The following CD33 variants were observed in gnomAD, a reference collection of about 807,000 sequenced individuals.
CD33 encodes CD33 molecule.
A neutral mutation model predicts 31.4 loss-of-function variants in CD33; 25 were observed. The ratio of observed to expected loss-of-function variants is 0.80; its 90% confidence interval spans 0.58 to 1.11. The LOEUF (loss-of-function observed/expected upper bound fraction) is 1.11. CD33 is among the 50% of genes most tolerant of loss of function. CD33 has a pLI of 0.00. For synonymous variants in CD33, 176 were observed against 180.6 expected (o/e 0.97, Z 0.20); for missense variants, 407 against 448.1 (o/e 0.91, Z 0.83).
rs765713634 is a variant in CD33 at position 51,225,206 on chromosome 19, G to T, written c.38-12G>T. The T allele has an allele frequency of 2.5e-6, 4 of 1,613,180 alleles. No individual in the cohort carries two copies. Among genetic ancestry groups the T allele is most frequent in the Non-Finnish European group, 3.4e-6 (4 of 1,179,472 alleles). On this transcript the variant is annotated splice_polypyrimidine_tract_variant and intron_variant, in intron 1 of 6. Transcript: ENST00000262262. ...GTCGGGCTGGGCCGAGCTGACCCTCGTTTCCCCACAGGGGCCCTGGCTATG... is the reference window on the plus strand; with the variant it reads ...GTCGGGCTGGGCCGAGCTGACCCTCTTTTCCCCACAGGGGCCCTGGCTATG...
chr19:51,228,649 T>G (rs1599868989), intron 4 of CD33, among the ~76,000 whole-genome samples: 1 of 151,758 alleles, frequency 6.6e-6, no homozygotes, highest in East Asian at 1.9e-4. Flanking sequence ...CTGAGAGTTT[T>G]ATTGTTAGAG....
Position 51,239,738 on chromosome 19 carries a change from G to C in CD33, c.*50G>C. 1 of 1,496,662 alleles carries C rather than the reference G, an allele frequency of 6.7e-7. No individual in the cohort carries two copies. Among genetic ancestry groups the C allele is most frequent in the Non-Finnish European group, 9.1e-7 (1 of 1,104,696 alleles). 92.7% of individuals were successfully genotyped at this position (1,496,662 alleles called of 1,614,324 possible). A position where few individuals can be genotyped will look rare whatever the true frequency, so the allele number is the denominator to read the frequency against. ...AGCTAGAAGATCCACATCCTCTACAGGTCGGGGACCAAAGGCTGATTCTTG... is the reference window on the plus strand; with the variant it reads ...AGCTAGAAGATCCACATCCTCTACACGTCGGGGACCAAAGGCTGATTCTTG... On this transcript the variant is annotated 3_prime_UTR_variant, in exon 7 of 7. Transcript: ENST00000262262.
At chr19:51,232,303 G>A (rs911697414) in intron 4 of CD33, among the ~76,000 whole-genome samples, 1 of 152,136 alleles carries the variant, frequency 6.6e-6, no homozygotes, top group Non-Finnish European at 1.5e-5. Flanking sequence ...AATCCTATAT[G>A]TGACTAGATA....
upstream of CD33, among the ~76,000 whole-genome samples, chr19:51,220,855 T>TGTGGGCC (rs1980656593): frequency 6.6e-6 from 1 of 152,154 alleles, no homozygotes; most frequent in Non-Finnish European, 1.5e-5. Context: ...AACGCGTATT[T>TGTGGGCC]ATGGGAATGG....
chr19:51,214,438 TG>T, the CD33 span, among the ~76,000 whole-genome samples: 1 of 149,222 alleles, frequency 6.7e-6, no homozygotes, highest in Non-Finnish European at 1.5e-5. Flanking sequence ...CCTCGTGATC[TG>T]CCCACCTTGG....
Position 51,239,693 on chromosome 19 carries a change from C to A in CD33, c.*5C>A. The A allele has an allele frequency of 6.2e-7, 1 of 1,603,852 alleles. No homozygotes were observed. The highest frequency in any genetic ancestry group is 8.5e-7 in the Non-Finnish European group (1 of 1,175,518). ...TCAGAGGTCAGGACCCAGTGAGGAA[C>A]CCACAAGAGCATCAGGCTCAGCTAG... On this transcript the variant is annotated 3_prime_UTR_variant, in exon 7 of 7. Transcript: ENST00000262262.
chr19:51,218,742 G>A, the CD33 span, among the ~76,000 whole-genome samples: 1 of 152,172 alleles, frequency 6.6e-6, no homozygotes, highest in Non-Finnish European at 1.5e-5. Context: ...TTCTGCACAT[G>A]GCTATCCAAT....
intron 4 of CD33, among the ~76,000 whole-genome samples, chr19:51,229,432 A>C (rs966807374): frequency 1.3e-5 from 2 of 152,054 alleles, no homozygotes; most frequent in African/African-American, 4.8e-5. Flanking sequence ...AGTTGCCTCC[A>C]CTTCAATTTT....
At chr19:51,222,350 G>T (rs1980723481), upstream of CD33, among the ~76,000 whole-genome samples, 2 of 152,246 alleles carry the variant, frequency 1.3e-5, no homozygotes, top group East Asian at 1.9e-4. Context: ...TCCTACTAAG[G>T]TTAAACTTAC....
At chr19:51,223,347 C>T (rs1980780029), upstream of CD33, among the ~76,000 whole-genome samples, 1 of 152,172 alleles carries the variant, frequency 6.6e-6, no homozygotes, top group African/African-American at 2.4e-5. Flanking sequence ...ATGCAGCTAC[C>T]TCTCTATTAG....
the CD33 span, among the ~76,000 whole-genome samples, chr19:51,215,458 C>T: frequency 6.6e-6 from 1 of 152,140 alleles, no homozygotes; most frequent in Admixed American, 6.5e-5. Flanking sequence ...CACTTATATG[C>T]CCCGATCTCT....
chr19:51,216,279 T>C, the CD33 span, among the ~76,000 whole-genome samples: 1 of 148,070 alleles, frequency 6.8e-6, no homozygotes, highest in Non-Finnish European at 1.5e-5. Flanking sequence ...TCTTGTATGA[T>C]ATTGAGGGAA....
At chr19:51,227,393 C>CT (rs562533137) in intron 4 of CD33, among the ~76,000 whole-genome samples, 72 of 152,112 alleles carry the variant, frequency 4.7e-4, no homozygotes, top group East Asian at 2.5e-3. Context: ...TAATTTTCAT[C>CT]TTTTTTTTAT....
At chr19:51,212,805 T>G in the CD33 span, among the ~76,000 whole-genome samples, 1 of 152,208 alleles carries the variant, frequency 6.6e-6, no homozygotes, top group African/African-American at 2.4e-5. Flanking sequence ...CTGGCTGCTC[T>G]GAGCCTTGGT....
At chr19:51,212,083 C>A in the CD33 span, 1 of 712,892 alleles carries the variant, frequency 1.4e-6, no homozygotes, top group South Asian at 1.5e-5. Context: ...GAGTGCTGGG[C>A]CAGGACGCCT....
chr19:51,224,289 T>C (rs972839140), upstream of CD33, among the ~76,000 whole-genome samples: 1 of 152,178 alleles, frequency 6.6e-6, no homozygotes, highest in African/African-American at 2.4e-5. Context: ...TGCTTTTAGC[T>C]TCCCTATCTT....
At chr19:51,211,545 C>T in the CD33 span, 2 of 1,521,882 alleles carry the variant, frequency 1.3e-6, no homozygotes, top group African/African-American at 2.8e-5. Flanking sequence ...GAGGAAGTAC[C>T]AAACACAGTT....
the CD33 span, chr19:51,211,670 G>A: frequency 2.8e-6 from 3 of 1,071,246 alleles, no homozygotes; most frequent in Non-Finnish European, 4.1e-6. Context: ...CCCATGTCCT[G>A]GAAGGGGGTT....
At chr19:51,218,137 C>A in the CD33 span, among the ~76,000 whole-genome samples, 1 of 152,360 alleles carries the variant, frequency 6.6e-6, no homozygotes, top group South Asian at 2.1e-4. Flanking sequence ...AATTTACCTT[C>A]CCATGAACAC....
Sources: allele counts gnomAD v4.1 joint callset (sites outside exome capture counted in the v4.1 genomes callset), GRCh38; gene constraint gnomAD v4.1.1; transcripts MANE v1.5; gene names NCBI Gene and HGNC (gene_info 2026-07-23, HGNC 2026-07-21).